FOXP2: variants seen among roughly 807,000 people sequenced by gnomAD.
The protein encoded by FOXP2 is forkhead box P2.
FOXP2 carries 12 observed loss-of-function variants against 115.8 expected under a neutral mutation model. The ratio of observed to expected loss-of-function variants is 0.10; its 90% CI spans 0.07 to 0.17. FOXP2 has a LOEUF of 0.17. Among genes scored for constraint, FOXP2 ranks in the 10% least tolerant of loss-of-function variants. FOXP2 has a pLI of 1.00. For synonymous variants in FOXP2, 328 were observed against 297.7 expected, an observed-to-expected ratio of 1.10 and a Z score of -1.05; for missense variants, 629 against 843.5, an observed-to-expected ratio of 0.75 and a Z score of 3.15.
At chr7:114,395,312 G>A (rs1214353089) in intron 2 of FOXP2, among the ~76,000 whole-genome samples, 1 of 152,160 alleles carries the variant, frequency 6.6e-6, no homozygotes, top group Non-Finnish European at 1.5e-5. Context: ...TGATGACTAT[G>A]CTTTAAAAGA....
At chr7:114,677,100 A>G (rs967451312) in intron 16 of FOXP2, among the ~76,000 whole-genome samples, 29 of 150,912 alleles carry the variant, frequency 1.9e-4, no homozygotes, top group Non-Finnish European at 3.5e-4. Flanking sequence ...CTGGAGGCGG[A>G]GGTTGCAGTG....
At chr7:114,227,172 T>C (rs1429017269) in intron 1 of FOXP2, among the ~76,000 whole-genome samples, 1 of 152,126 alleles carries the variant, frequency 6.6e-6, no homozygotes, top group Non-Finnish European at 1.5e-5. Context: ...GTTACTGTAT[T>C]TATGGATTTG....
At chr7:114,243,725 A>C (rs1795208852) in intron 1 of FOXP2, among the ~76,000 whole-genome samples, 1 of 151,996 alleles carries the variant, frequency 6.6e-6, no homozygotes, top group African/African-American at 2.4e-5. Flanking sequence ...ATTATTTCTG[A>C]TTTTCTTGGA....
At chr7:114,353,518 G>T (rs1020805879) in intron 2 of FOXP2, among the ~76,000 whole-genome samples, 3 of 151,730 alleles carry the variant, frequency 2.0e-5, no homozygotes, top group Non-Finnish European at 4.4e-5. Context: ...AGCAGATTGG[G>T]ATTTACATGA....
chr7:114,349,559 A>T (rs1791429258), intron 2 of FOXP2, among the ~76,000 whole-genome samples: 1 of 152,066 alleles, frequency 6.6e-6, no homozygotes, highest in South Asian at 2.1e-4. Context: ...TGATATTTAA[A>T]ATATCCTAAA....
intron 2 of FOXP2, chr7:114,297,130 G>T (rs1796758889): frequency 4.2e-6 from 2 of 478,692 alleles, no homozygotes; most frequent in Non-Finnish European, 8.5e-6. Context: ...TCTTGGCAGC[G>T]ACTTTCCTCA....
At chr7:114,222,721 G>A (rs1794654424) in intron 1 of FOXP2, among the ~76,000 whole-genome samples, 1 of 152,134 alleles carries the variant, frequency 6.6e-6, no homozygotes, top group Admixed American at 6.5e-5. Context: ...GTATTTTAAG[G>A]TAATCTCAAG....
intron 6 of FOXP2, among the ~76,000 whole-genome samples, chr7:114,639,185 C>T (rs572232649): frequency 2.8e-4 from 42 of 152,270 alleles, no homozygotes; most frequent in Non-Finnish European, 5.0e-4. Context: ...TTGTTAGCCA[C>T]TCAATCTATG....
At chr7:114,162,063 G>A (rs990847971), upstream of FOXP2, among the ~76,000 whole-genome samples, 25 of 152,102 alleles carry the variant, frequency 1.6e-4, no homozygotes, top group African/African-American at 5.3e-4. Flanking sequence ...GATTACAGGC[G>A]TGAGTCACCA....
At chr7:114,365,934 C>T (rs539654156) in intron 2 of FOXP2, among the ~76,000 whole-genome samples, 66 of 151,886 alleles carry the variant, frequency 4.3e-4, no homozygotes, top group Non-Finnish European at 9.4e-4. Context: ...TAATCATTTC[C>T]CCCAAAATTC....
At chr7:114,250,835 C>T (rs879759033) in intron 1 of FOXP2, among the ~76,000 whole-genome samples, 26 of 152,112 alleles carry the variant, frequency 1.7e-4, no homozygotes, top group Non-Finnish European at 3.5e-4. Context: ...GCTTTTGTTG[C>T]CATTGCTTTT....
At chr7:114,283,803 A>G (rs1056976897) in intron 1 of FOXP2, among the ~76,000 whole-genome samples, 2 of 152,080 alleles carry the variant, frequency 1.3e-5, no homozygotes, top group Non-Finnish European at 2.9e-5. Flanking sequence ...ACTCTACAAA[A>G]AGTGAAAAAA....
At chr7:114,396,701 T>C (rs2129195569) in intron 2 of FOXP2, among the ~76,000 whole-genome samples, 1 of 151,972 alleles carries the variant, frequency 6.6e-6, no homozygotes. Flanking sequence ...GTTGGAGAGA[T>C]GTTGATCAAA....
intron 2 of FOXP2, among the ~76,000 whole-genome samples, chr7:114,526,922 G>C (rs1385566811): frequency 1.3e-5 from 2 of 151,170 alleles, no homozygotes. Flanking sequence ...ACCCTAAAAA[G>C]AAACCCCATT....
At chr7:114,357,012 C>T (rs563571751) in intron 2 of FOXP2, among the ~76,000 whole-genome samples, 1 of 152,062 alleles carries the variant, frequency 6.6e-6, no homozygotes, top group African/African-American at 2.4e-5. Context: ...AAATGAGAAG[C>T]CTTGATCACA....
intron 1 of FOXP2, among the ~76,000 whole-genome samples, chr7:114,176,280 CTTTCTTTCTTTCTT>C (rs1466874696): frequency 1.9e-4 from 8 of 42,728 alleles, no homozygotes; most frequent in African/African-American, 5.1e-4. Flanking sequence ...TTCTTTCTTT[CTTTCTTTCTTTCTT>C]TCTTTCTCTC....
At chr7:114,553,970 T>G (rs1018409927) in intron 3 of FOXP2, among the ~76,000 whole-genome samples, 1 of 152,120 alleles carries the variant, frequency 6.6e-6, no homozygotes, top group African/African-American at 2.4e-5. Flanking sequence ...ATTTTTATTG[T>G]GCTTTTAAAT....
intron 2 of FOXP2, among the ~76,000 whole-genome samples, chr7:114,380,291 A>G (rs1360267555): frequency 6.6e-6 from 1 of 152,206 alleles, no homozygotes; most frequent in African/African-American, 2.4e-5. Context: ...CTAGGTAAGC[A>G]TACTTAGAGT....
At chr7:114,159,556 C>G (rs1181062654), upstream of FOXP2, among the ~76,000 whole-genome samples, 1 of 151,772 alleles carries the variant, frequency 6.6e-6, no homozygotes, top group African/African-American at 2.4e-5. Context: ...GAATAATACA[C>G]TAATGATACT....
Sources: gnomAD v4.1 joint callset for allele counts (sites outside exome capture counted in the v4.1 genomes callset) on GRCh38, gnomAD v4.1.1 for gene constraint, MANE v1.5 for transcripts, NCBI Gene and HGNC (gene_info 2026-07-23, HGNC 2026-07-21) for gene names.